Variants in AHCYL1 observed in about 807,000 individuals in gnomAD.
AHCYL1 encodes S-adenosylhomocysteine hydrolase-like protein 1.
Under a neutral mutation model 79.3 loss-of-function variants are expected in AHCYL1, and 20 were observed. That is an observed-to-expected ratio of 0.25 (90% CI 0.18 to 0.37). AHCYL1 has a LOEUF of 0.37. AHCYL1 is among the 10% of genes least tolerant of loss of function. The pLI is 1.00. For missense variants in AHCYL1, 330 were observed against 673.6 expected (o/e 0.49, Z 5.65); for synonymous variants, 223 against 242.2 (o/e 0.92, Z 0.74).
At chr1:109,986,294 G>C (rs1431405996) in intron 1 of AHCYL1, among the ~76,000 whole-genome samples, 1 of 150,454 alleles carries the variant, frequency 6.6e-6, no homozygotes, top group African/African-American at 2.5e-5. Context: ...GCTTCAACTA[G>C]TTAAGCTGTC....
At chr1:109,985,571 C>T (rs1649425792) in intron 1 of AHCYL1, 1 of 989,442 alleles carries the variant, frequency 1.0e-6, no homozygotes, top group South Asian at 4.6e-5. Flanking sequence ...GCAGAACTTC[C>T]ATCAAATCTT....
At chr1:110,015,286 C>G in intron 6 of AHCYL1, 139 bp from the exon 7 acceptor site, 1 of 718,442 alleles carries the variant, frequency 1.4e-6, no homozygotes, top group Non-Finnish European at 2.4e-6. Flanking sequence ...TTTCCACTCT[C>G]TAAGCCTGCT....
chr1:109,992,783 G>C (rs10159344), intron 1 of AHCYL1, among the ~76,000 whole-genome samples: 2,727 of 152,218 alleles, frequency 0.018, 92 homozygotes, highest in African/African-American at 0.062. Flanking sequence ...GAAAATCCTG[G>C]TTCTTTCCTC....
At position 109,993,320 on chromosome 1, in the gene AHCYL1, A is replaced by G. The variant is rs147078029; in HGVS notation, c.120+8148A>G. On this transcript the variant is annotated intron_variant, in intron 1 of 16. Coordinates refer to ENST00000369799, the MANE Select transcript of AHCYL1 (RefSeq NM_006621.7). ...ATTTCAATGTAGTACTTCTCAAACTATTATATTTTAAGGACTGACCTGATA... is the reference window on the plus strand; with the variant it reads ...ATTTCAATGTAGTACTTCTCAAACTGTTATATTTTAAGGACTGACCTGATA... 7.3e-3 allele frequency among the ~76,000 whole-genome samples: 1,110 copies of G among 152,322 alleles called. 13 individuals are homozygous for G. The highest frequency in any genetic ancestry group is 0.025 in the African/African-American group (1,054 of 41,566).
In AHCYL1 at chr1:109,985,134, T is replaced by C; in HGVS notation, c.82T>C (p.Tyr28His). ...QAKEIEDAEKYSFMATVTKAP... is the reference protein window; with the variant it reads ...QAKEIEDAEKHSFMATVTKAP... ...CAAGGAGATCGAGGACGCCGAGAAG[T>C]ACTCCTTCATGGCCACCGTCACCAA... is the stretch of plus-strand genomic sequence containing the variant. Residue 28 changes from tyrosine (Y) to histidine (H), a missense_variant, in exon 1 of 17, where the codon TAC (tyrosine) becomes CAC (histidine). Tyr to His is a moderately conservative substitution (Grantham distance 83). Transcript: ENST00000369799. 1 of 1,610,406 alleles carries C rather than the reference T, an allele frequency of 6.2e-7. No individual in the cohort carries two copies. Among genetic ancestry groups the C allele is most frequent in the Non-Finnish European group, 8.5e-7 (1 of 1,178,780 alleles).
At position 109,992,628 on chromosome 1, in the gene AHCYL1, G is replaced by A. The variant is rs183472166; in HGVS notation, c.120+7456G>A. Among the ~76,000 whole-genome samples the A allele has an allele frequency of 3.5e-3, 538 of 152,268 alleles. 2 individuals are homozygous for A. Among genetic ancestry groups the A allele is most frequent in the Middle Eastern group, 6.8e-3 (2 of 294 alleles). ...CTAATTTTAGAAGAGAGGTCAGTAA[G>A]TAGACAGATTTGTGTAGAAGATAGA... On this transcript the variant is annotated intron_variant, in intron 1 of 16. Coordinates refer to ENST00000369799, the MANE Select transcript of AHCYL1 (RefSeq NM_006621.7).
At chr1:109,996,445 A>G in intron 1 of AHCYL1, among the ~76,000 whole-genome samples, 1 of 152,202 alleles carries the variant, frequency 6.6e-6, no homozygotes, top group East Asian at 1.9e-4. Flanking sequence ...CAAAACAAAG[A>G]TTCATACTCT....
chr1:110,007,903 CTT>C (rs761785118), intron 1 of AHCYL1, among the ~76,000 whole-genome samples: 1 of 151,732 alleles, frequency 6.6e-6, no homozygotes, highest in Non-Finnish European at 1.5e-5. Context: ...GTGTTACACA[CTT>C]TATAAATCTA....
At chr1:110,009,895 G>A (rs1650913423) in intron 2 of AHCYL1, among the ~76,000 whole-genome samples, 1 of 152,202 alleles carries the variant, frequency 6.6e-6, no homozygotes, top group Admixed American at 6.5e-5. Flanking sequence ...TTGTTTAACT[G>A]AAGACTCATT....
chr1:110,012,556 T>C, intron 4 of AHCYL1, 94 bp downstream of exon 4: 1 of 1,024,132 alleles, frequency 9.8e-7, no homozygotes, highest in Non-Finnish European at 1.4e-6. Context: ...CTCGCCAACC[T>C]CCAAATGCTA....
At chr1:110,003,131 A>T (rs910220189) in intron 1 of AHCYL1, among the ~76,000 whole-genome samples, 8 of 152,200 alleles carry the variant, frequency 5.3e-5, no homozygotes, top group Admixed American at 5.2e-4. Flanking sequence ...AATATTCTTG[A>T]GAAAATTGGG....
At chr1:109,995,471 T>C (rs1649984475) in intron 1 of AHCYL1, among the ~76,000 whole-genome samples, 1 of 152,214 alleles carries the variant, frequency 6.6e-6, no homozygotes, top group South Asian at 2.1e-4. Context: ...CTAGGATCCA[T>C]CTGATGGATT....
Position 109,984,910 on chromosome 1 carries a change from A to C in AHCYL1, c.-143A>C. On this transcript the variant is annotated 5_prime_UTR_variant, in exon 1 of 17. Transcript: ENST00000369799. The stretch of plus-strand genomic sequence containing the variant: ...GACAAGGCGTGGGCCACAGCACCTC[A>C]GAAGCCGACGCAGCTCGACGCAGGG... 3 of 1,276,686 alleles carry C rather than the reference A, an allele frequency of 2.3e-6. No individual in the cohort carries two copies. The highest frequency in any genetic ancestry group is 3.0e-6 in the Non-Finnish European group (3 of 1,002,086). 79.1% of individuals were successfully genotyped at this position (1,276,686 alleles called of 1,614,324 possible).
chr1:110,016,354 C>T lies in AHCYL1; in HGVS notation c.793C>T (p.Leu265Phe). The T allele has an allele frequency of 6.2e-7, 1 of 1,612,720 alleles. No homozygotes were observed. Among genetic ancestry groups the T allele is most frequent in the South Asian group, 1.1e-5 (1 of 90,786 alleles). ...CTCTTCTCTCTTTAGGCTGTATCAG[C>T]TCTCCAAAGCTGGGAAGCTCTGTGT... Reference protein sequence around the residue: ...SVTGVHRLYQLSKAGKLCVPA... With the variant: ...SVTGVHRLYQFSKAGKLCVPA... Residue 265 changes from leucine (L) to phenylalanine (F), a missense_variant, in exon 8 of 17, where the codon CTC becomes TTC. By Grantham distance (22) the Leu-to-Phe change is conservative. Coordinates refer to ENST00000369799, the MANE Select transcript of AHCYL1 (RefSeq NM_006621.7).
At chr1:110,003,166 T>C (rs1037761862) in intron 1 of AHCYL1, among the ~76,000 whole-genome samples, 3 of 152,194 alleles carry the variant, frequency 2.0e-5, no homozygotes, top group Admixed American at 2.0e-4. Flanking sequence ...ATCTGGACAG[T>C]CTGGATATAT....
chr1:110,000,265 C>T lies in AHCYL1; in HGVS notation c.121-8769C>T. ...TGCTTAAACGCAGGTGGAAATCATACAAATAGGGAATTCTGAATTAATTTC... is the reference window on the plus strand; with the variant it reads ...TGCTTAAACGCAGGTGGAAATCATATAAATAGGGAATTCTGAATTAATTTC... On this transcript the variant is annotated intron_variant, in intron 1 of 16. Transcript: ENST00000369799. 1.3e-5 allele frequency among the ~76,000 whole-genome samples: 2 copies of T among 152,152 alleles called. 1 individual carries two copies. The highest frequency in any genetic ancestry group is 6.3e-3 in the Middle Eastern group (2 of 316).
At chr1:110,020,022 A>G (rs1395466742) in intron 15 of AHCYL1, among the ~76,000 whole-genome samples, 1 of 152,172 alleles carries the variant, frequency 6.6e-6, no homozygotes, top group African/African-American at 2.4e-5. Flanking sequence ...AAACCATCCA[A>G]TCTCTTGTAA....
chr1:110,002,467 G>A (rs939072181), intron 1 of AHCYL1, among the ~76,000 whole-genome samples: 3 of 152,202 alleles, frequency 2.0e-5, no homozygotes, highest in Non-Finnish European at 2.9e-5. Flanking sequence ...ATAATTAAGT[G>A]TAATCTGTTA....
At chr1:110,015,110 G>T (rs1651328242) in intron 6 of AHCYL1, among the ~76,000 whole-genome samples, 1 of 152,136 alleles carries the variant, frequency 6.6e-6, no homozygotes, top group African/African-American at 2.4e-5. Flanking sequence ...GTAGGATTCT[G>T]CTTTCTTTCC....
Sources: gnomAD v4.1 joint callset for allele counts (sites outside exome capture counted in the v4.1 genomes callset) on GRCh38, gnomAD v4.1.1 for gene constraint, MANE v1.5 for transcripts, NCBI Gene and HGNC (gene_info 2026-07-23, HGNC 2026-07-21) for gene names.